GOLGA1: variants seen among roughly 807,000 people sequenced by gnomAD.
The protein encoded by GOLGA1 is golgin subfamily A member 1.
A neutral mutation model predicts 119.7 loss-of-function variants in GOLGA1; 63 were observed. That is an observed-to-expected ratio of 0.53 (90% CI 0.43 to 0.65). GOLGA1 has a LOEUF of 0.65. GOLGA1 is among the 30% of genes least tolerant of loss of function. GOLGA1 has a pLI of 0.00. For missense variants in GOLGA1, 798 were observed against 912.8 expected, an observed-to-expected ratio of 0.87 and a Z score of 1.62; for synonymous variants, 318 against 333.4, an observed-to-expected ratio of 0.95 and a Z score of 0.50.
rs145763272 is a variant in GOLGA1 at position 124,881,885 on chromosome 9, G to A, written c.2035C>T (p.Pro679Ser). Residue 679 changes from proline to serine, a missense_variant, in exon 21 of 23, where the codon CCT becomes TCT. By Grantham distance (74) the Pro-to-Ser change is moderately conservative. Transcript: ENST00000373555. The surrounding 1 kb of genome is among the most constrained non-coding windows in gnomAD (Gnocchi z 4.9). ...AGGTCAGTGTTATTCGTGACGGAAG[G>A]CGCCATGTTTGCCATCTCAGGTCCA... Reference protein sequence around the residue: ...KPGPEMANMAPSVTNNTDLTD... With the variant: ...KPGPEMANMASSVTNNTDLTD... 3.0e-5 allele frequency: 48 copies of A among 1,612,180 alleles called. No individual in the cohort carries two copies. The African/African-American group carries it at 5.6e-4, about 19-fold the overall frequency.
intron 20 of GOLGA1, 60 bp downstream of exon 20, chr9:124,882,450 C>G (rs375515474): frequency 2.4e-6 from 3 of 1,270,010 alleles, no homozygotes; most frequent in South Asian, 2.4e-5. Flanking sequence ...TCAGGAGGAC[C>G]GGGCACAGGC....
At chr9:124,889,600 C>A (rs953494382) in intron 16 of GOLGA1, 64 bp from the exon 17 acceptor site, 14 of 1,052,894 alleles carry the variant, frequency 1.3e-5, no homozygotes, top group Non-Finnish European at 2.1e-5. Flanking sequence ...CCACAGAAAT[C>A]TCCACTTCCC....
At chr9:124,911,822 G>A (rs1402387271) in intron 11 of GOLGA1, 79 bp downstream of exon 11, 3 of 1,297,470 alleles carry the variant, frequency 2.3e-6, no homozygotes, top group Non-Finnish European at 3.3e-6. Flanking sequence ...CTACAGCTCT[G>A]AAACTCTAGG....
chr9:124,923,264 A>C (rs373309182), intron 7 of GOLGA1, 41 bp from the exon 8 acceptor site: 109 of 1,504,320 alleles, frequency 7.2e-5, no homozygotes, highest in Admixed American at 1.0e-4. Flanking sequence ...CAACGAAAGC[A>C]TTAGAAATCT....
chr9:124,895,696 T>C (rs1193813907), intron 15 of GOLGA1, among the ~76,000 whole-genome samples: 3 of 124,578 alleles, frequency 2.4e-5, no homozygotes, highest in Admixed American at 8.1e-5. Context: ...CAGAGAACCC[T>C]CCACAACACA....
At position 124,921,048 on chromosome 9, in the gene GOLGA1, C is replaced by G. The variant is rs1588087458; in HGVS notation, c.843+81G>C. 7.1e-6 allele frequency: 6 copies of G among 844,992 alleles called. No individual in the cohort carries two copies. In the East Asian group the frequency reaches 1.4e-4, roughly 20 times the overall value. The allele number at this position is 844,992 out of a possible 1,614,324, so 52.3% of individuals were successfully genotyped here. ...TGCATGAGAAATGTATGTTCAGTAGCTACTCTCAGGCAGAAATTTCTGAAA... is the reference window on the plus strand; with the variant it reads ...TGCATGAGAAATGTATGTTCAGTAGGTACTCTCAGGCAGAAATTTCTGAAA... On this transcript the variant is annotated intron_variant, in intron 10 of 22. Coordinates refer to ENST00000373555, the MANE Select transcript of GOLGA1 (RefSeq NM_002077.4).
chr9:124,886,712 C>T lies in GOLGA1; in HGVS notation c.1905+1541G>A, dbSNP rs533936049. On this transcript the variant is annotated intron_variant, in intron 19 of 22. Coordinates refer to ENST00000373555, the MANE Select transcript of GOLGA1 (RefSeq NM_002077.4). ...AACGACCTAGGCAAGAAGGGGGAGGCGGCTGGCGTAGTGCTTGGGGAGGTG... is the reference window on the plus strand; with the variant it reads ...AACGACCTAGGCAAGAAGGGGGAGGTGGCTGGCGTAGTGCTTGGGGAGGTG... Among the ~76,000 whole-genome samples the T allele has an allele frequency of 1.7e-3, 262 of 151,774 alleles. 2 individuals carry two copies. Among genetic ancestry groups the T allele is most frequent in the African/African-American group, 6.1e-3 (254 of 41,378 alleles).
chr9:124,891,644 T>G (rs1055617663), intron 15 of GOLGA1, among the ~76,000 whole-genome samples: 7 of 147,164 alleles, frequency 4.8e-5, no homozygotes, highest in African/African-American at 9.9e-5. Flanking sequence ...CATTCTTTTG[T>G]TTTTTTTTTT....
At chr9:124,889,005 C>T (rs1322153802) in intron 18 of GOLGA1, 138 bp downstream of exon 18, 2 of 665,280 alleles carry the variant, frequency 3.0e-6, no homozygotes, top group East Asian at 2.8e-5. Context: ...GGCCAAGTGC[C>T]CTACTTCAAA....
intron 15 of GOLGA1, among the ~76,000 whole-genome samples, chr9:124,895,619 G>A (rs866127499): frequency 5.7e-5 from 7 of 123,282 alleles, no homozygotes; most frequent in South Asian, 5.5e-4. Flanking sequence ...GAGCCTCCAC[G>A]ACAGGGAGCC....
chr9:124,907,191 C>T (rs945655363), intron 12 of GOLGA1, among the ~76,000 whole-genome samples: 3 of 152,072 alleles, frequency 2.0e-5, no homozygotes, highest in African/African-American at 7.2e-5. Flanking sequence ...CAGAGACAAA[C>T]CCATGTGCAG....
chr9:124,923,197 T>G lies in GOLGA1; in HGVS notation c.459A>C (p.Leu153Phe). Residue 153 changes from leucine to phenylalanine, a missense_variant, in exon 8 of 23, where the codon TTA becomes TTC. By Grantham distance (22) the Leu-to-Phe change is conservative. Transcript: ENST00000373555. ...EKEKNILTAQLQEMKNQSMNL... is the reference protein window; with the variant it reads ...EKEKNILTAQFQEMKNQSMNL... ...TCATACTCTGGTTCTTCATTTCCTG[T>G]AACTGGGCTGTCAGAATATTTTTCT... is the stretch of plus-strand genomic sequence containing the variant. 6.3e-7 allele frequency: 1 copy of G among 1,598,196 alleles called. No individual in the cohort carries two copies. The highest frequency in any genetic ancestry group is 8.6e-7 in the Non-Finnish European group (1 of 1,167,234).
chr9:124,912,026 C>T lies in GOLGA1; in HGVS notation c.844G>A (p.Val282Ile). ...IQQLSIDLQK[V>I]TAETQEKEDV... The stretch of plus-strand genomic sequence containing the variant: ...TCTTTCTCTTGAGTTTCAGCAGTGA[C>T]CTGCAGGTGAAAGCAGAGATCACTC... The change falls in exon 11 of 23, where the codon GTC becomes ATC. Residue 282 changes from valine to isoleucine, a missense_variant and splice_region_variant. Coordinates refer to ENST00000373555, the MANE Select transcript of GOLGA1 (RefSeq NM_002077.4). 6.2e-7 allele frequency: 1 copy of T among 1,613,016 alleles called. No individual in the cohort carries two copies. Among genetic ancestry groups the T allele is most frequent in the Non-Finnish European group, 8.5e-7 (1 of 1,179,288 alleles).
chr9:124,901,602 AT>A (rs1312778432), intron 12 of GOLGA1, among the ~76,000 whole-genome samples: 3 of 151,514 alleles, frequency 2.0e-5, no homozygotes, highest in African/African-American at 4.9e-5. Flanking sequence ...CACCCAGCTA[AT>A]GTTTTGTATT....
At chr9:124,885,406 A>G (rs1829697641) in intron 19 of GOLGA1, among the ~76,000 whole-genome samples, 1 of 150,958 alleles carries the variant, frequency 6.6e-6, no homozygotes, top group Admixed American at 6.6e-5. Context: ...AATCGCTTGC[A>G]CCGAGGAGGC....
intron 6 of GOLGA1, 24 bp from the exon 7 acceptor site, chr9:124,926,765 A>G (rs375843121): frequency 2.2e-5 from 32 of 1,471,464 alleles, no homozygotes; most frequent in Admixed American, 5.5e-5. Context: ...ATAAAAAAGT[A>G]TGGTTTCCAG....
intron 3 of GOLGA1, 25 bp from the exon 4 acceptor site, chr9:124,931,431 T>C: frequency 3.5e-6 from 4 of 1,158,946 alleles, no homozygotes; most frequent in Non-Finnish European, 5.2e-6. Context: ...ACAAGGAAGG[T>C]CGTATTCATA....
At chr9:124,938,532 A>G (rs780750094) in intron 3 of GOLGA1, 45 bp downstream of exon 3, 2 of 1,498,636 alleles carry the variant, frequency 1.3e-6, no homozygotes, top group East Asian at 2.3e-5. Flanking sequence ...TTATTGGAAG[A>G]ATACCCTGCA....
At chr9:124,909,533 C>T (rs1425436449) in intron 11 of GOLGA1, among the ~76,000 whole-genome samples, 2 of 148,766 alleles carry the variant, frequency 1.3e-5, no homozygotes, top group Admixed American at 6.8e-5. Flanking sequence ...ACTTGAACCC[C>T]GGGAAGCAGA....
Sources: gnomAD v4.1 joint callset for allele counts (sites outside exome capture counted in the v4.1 genomes callset) on GRCh38, gnomAD v4.1.1 for gene constraint, Gnocchi (gnomAD v3.1) non-coding constraint, MANE v1.5 for transcripts, NCBI Gene and HGNC (gene_info 2026-07-23, HGNC 2026-07-21) for gene names.